The following TYW1B variants were observed in gnomAD, a reference collection of about 807,000 sequenced individuals.
TYW1B encodes the protein tRNA-yW synthesizing protein 1 homolog B.
A neutral mutation model predicts 86.9 loss-of-function variants in TYW1B; 73 were observed. That is an observed-to-expected ratio of 0.84 (90% CI 0.70 to 1.02). The LOEUF (loss-of-function observed/expected upper bound fraction) is 1.02, where lower values mean the gene tolerates loss of function less well. TYW1B is among the 50% of genes least tolerant of loss of function. TYW1B has a pLI of 0.00. For synonymous variants in TYW1B, 248 were observed against 292.8 expected (o/e 0.85, Z 1.56); for missense variants, 637 against 827.4 (o/e 0.77, Z 2.82).
At chr7:72,632,336 C>CGT (rs1491424237) in intron 11 of TYW1B, among the ~76,000 whole-genome samples, 161 of 75,832 alleles carry the variant, frequency 2.1e-3, no homozygotes, top group East Asian at 0.013. Flanking sequence ...TATATATACA[C>CGT]GTATATATAT....
intron 7 of TYW1B, among the ~76,000 whole-genome samples, chr7:72,746,849 T>G (rs1554463908): frequency 6.6e-6 from 1 of 152,174 alleles, no homozygotes; most frequent in African/African-American, 2.4e-5. Context: ...TCAAAAGGAC[T>G]CTCTAAGACA....
chr7:72,799,975 C>A, intron 6 of TYW1B, among the ~76,000 whole-genome samples: 2 of 151,906 alleles, frequency 1.3e-5, no homozygotes, highest in East Asian at 1.9e-4. Context: ...ATACAATAAT[C>A]CATCTGATTC....
At chr7:72,623,345 G>T (rs1466843106) in intron 12 of TYW1B, among the ~76,000 whole-genome samples, 1 of 152,056 alleles carries the variant, frequency 6.6e-6, no homozygotes, top group Non-Finnish European at 1.5e-5. Context: ...TTGTATTATT[G>T]ATTTCACATC....
At position 72,622,508 on chromosome 7, in the gene TYW1B, T is replaced by C. The variant is rs562425741; in HGVS notation, c.1618-5669A>G. ...GATGAATAACCTGTCCTAGGCTACA[T>C]TGGCACATTTTACGTAGGTATCAAA... is the stretch of plus-strand genomic sequence containing the variant. On this transcript the variant is annotated intron_variant, in intron 12 of 13. Coordinates refer to ENST00000620995, the MANE Select transcript of TYW1B (RefSeq NM_001145440.3). Among the ~76,000 whole-genome samples, 245 of 152,240 alleles carry C rather than the reference T, an allele frequency of 1.6e-3. 1 individual carries two copies. Among genetic ancestry groups the C allele is most frequent in the African/African-American group, 5.6e-3 (233 of 41,550 alleles).
At chr7:72,614,232 G>A (rs1275708321) in intron 13 of TYW1B, among the ~76,000 whole-genome samples, 3 of 152,080 alleles carry the variant, frequency 2.0e-5, no homozygotes, top group African/African-American at 7.2e-5. Context: ...AGGGAATACA[G>A]GCTCTGGAGT....
intron 11 of TYW1B, among the ~76,000 whole-genome samples, chr7:72,680,402 C>T (rs1227719183): frequency 6.6e-6 from 1 of 152,020 alleles, no homozygotes; most frequent in Non-Finnish European, 1.5e-5. Flanking sequence ...ATCTTTCTCC[C>T]GTGCTGGATG....
At chr7:72,648,921 T>C (rs1210279199) in intron 11 of TYW1B, among the ~76,000 whole-genome samples, 6 of 152,110 alleles carry the variant, frequency 3.9e-5, no homozygotes, top group Non-Finnish European at 5.9e-5. Flanking sequence ...AAAGTAACCA[T>C]GTAATGGCAG....
intron 10 of TYW1B, among the ~76,000 whole-genome samples, chr7:72,707,089 G>A (rs1219529732): frequency 2.0e-5 from 3 of 152,232 alleles, no homozygotes; most frequent in South Asian, 2.1e-4. Flanking sequence ...TGTGGCCATC[G>A]ACTCCTCCTG....
chr7:72,749,779 T>G (rs1787465349), intron 7 of TYW1B, among the ~76,000 whole-genome samples: 1 of 151,850 alleles, frequency 6.6e-6, no homozygotes, highest in Admixed American at 6.6e-5. Flanking sequence ...GGAACTAGAT[T>G]GCTGATTTGA....
At chr7:72,787,224 G>A (rs1336361392) in intron 6 of TYW1B, among the ~76,000 whole-genome samples, 1 of 152,122 alleles carries the variant, frequency 6.6e-6, no homozygotes, top group Non-Finnish European at 1.5e-5. Flanking sequence ...CACTTTGGGA[G>A]GCCAAGGTGG....
chr7:72,605,967 T>A (rs1236761643), intron 13 of TYW1B, among the ~76,000 whole-genome samples: 1 of 151,790 alleles, frequency 6.6e-6, no homozygotes, highest in Admixed American at 6.6e-5. Context: ...CAAGATGGAG[T>A]AGACGTGCCT....
At chr7:72,778,057 T>C (rs1270818994) in intron 6 of TYW1B, among the ~76,000 whole-genome samples, 1 of 152,178 alleles carries the variant, frequency 6.6e-6, no homozygotes, top group Non-Finnish European at 1.5e-5. Flanking sequence ...GGATGCTCTT[T>C]TGTTAAGTAA....
At chr7:72,684,145 A>G (rs1380070630) in intron 11 of TYW1B, among the ~76,000 whole-genome samples, 1 of 152,222 alleles carries the variant, frequency 6.6e-6, no homozygotes, top group African/African-American at 2.4e-5. Context: ...CAAAGAGAGA[A>G]AAGAACAAAA....
chr7:72,748,878 A>C (rs1787441090), intron 7 of TYW1B, among the ~76,000 whole-genome samples: 1 of 152,114 alleles, frequency 6.6e-6, no homozygotes, highest in Non-Finnish European at 1.5e-5. Context: ...CTGAGAGATT[A>C]GTCTTTAGTC....
At chr7:72,790,050 G>A (rs1179713590) in intron 6 of TYW1B, among the ~76,000 whole-genome samples, 4 of 150,016 alleles carry the variant, frequency 2.7e-5, no homozygotes, top group African/African-American at 9.8e-5. Flanking sequence ...TGGGTTCAAG[G>A]GATTCTCCTG....
intron 9 of TYW1B, among the ~76,000 whole-genome samples, chr7:72,714,485 T>C (rs1454258724): frequency 2.0e-5 from 3 of 149,926 alleles, no homozygotes; most frequent in Non-Finnish European, 3.0e-5. Flanking sequence ...TAGCTGGGCA[T>C]GGTGGCACAT....
chr7:72,724,022 A>T (rs1554458182), intron 9 of TYW1B, among the ~76,000 whole-genome samples: 1 of 150,942 alleles, frequency 6.6e-6, no homozygotes, highest in African/African-American at 2.4e-5. Flanking sequence ...ATAATTTTAC[A>T]GCAAGATTTA....
intron 11 of TYW1B, among the ~76,000 whole-genome samples, chr7:72,674,382 CACTT>C (rs1164804763): frequency 5.9e-5 from 9 of 152,180 alleles, no homozygotes; most frequent in African/African-American, 1.9e-4. Context: ...CTTAGAGAAA[CACTT>C]ACTAAGCACC....
At chr7:72,633,229 T>C (rs1321767402) in intron 11 of TYW1B, among the ~76,000 whole-genome samples, 3 of 152,230 alleles carry the variant, frequency 2.0e-5, no homozygotes, top group Non-Finnish European at 1.5e-5. Flanking sequence ...ATAAATACAG[T>C]TGCCAGGAGC....
Sources: gnomAD v4.1 joint callset for allele counts (sites outside exome capture counted in the v4.1 genomes callset) on GRCh38, gnomAD v4.1.1 for gene constraint, MANE v1.5 for transcripts, NCBI Gene and HGNC (gene_info 2026-07-23, HGNC 2026-07-21) for gene names.